Variants in RAB8A observed in about 807,000 individuals in gnomAD.
The protein encoded by RAB8A is ras-related protein Rab-8A.
In RAB8A, 5 loss-of-function variants were observed where a neutral mutation model predicts 29.2. That is an observed-to-expected ratio of 0.17 (90% CI 0.09 to 0.36). The LOEUF (loss-of-function observed/expected upper bound fraction) is 0.36, where lower values mean the gene tolerates loss of function less well. RAB8A is among the 10% of genes least tolerant of loss of function. RAB8A has a pLI of 1.00. For missense variants in RAB8A, 171 were observed against 272.2 expected (o/e 0.63, Z 2.62); for synonymous variants, 108 against 99.9 (o/e 1.08, Z -0.49).
At chr19:16,117,488 C>CA (rs111522838) in intron 1 of RAB8A, among the ~76,000 whole-genome samples, 20,975 of 135,664 alleles carry the variant, frequency 0.15, 1,674 homozygotes, top group Middle Eastern at 0.21. Flanking sequence ...GACTCCATCT[C>CA]AAAAAAAAAA....
intron 2 of RAB8A, among the ~76,000 whole-genome samples, chr19:16,119,536 G>A (rs2090863925): frequency 6.6e-6 from 1 of 152,108 alleles, no homozygotes; most frequent in Non-Finnish European, 1.5e-5. Flanking sequence ...GACTTTGGGA[G>A]TCGGGTAGGT....
chr19:16,125,390 C>T lies in RAB8A; in HGVS notation c.247-80C>T. On this transcript the variant is annotated intron_variant, in intron 3 of 7. Transcript: ENST00000300935. This position sits in a 1 kb window ranked among gnomAD's most constrained non-coding sequence, Gnocchi z 5.0. ...GTGCAGTGGGTGCTGGGCTCCCCAC[C>T]ACTGTTCTCTGGTGCCGCTGAGGCC... The T allele has an allele frequency of 3.1e-6, 4 of 1,281,812 alleles. No homozygotes were observed. Among genetic ancestry groups the T allele is most frequent in the South Asian group, 1.3e-5 (1 of 79,284 alleles). The allele number at this position is 1,281,812 out of a possible 1,614,324, so 79.4% of individuals were successfully genotyped here.
At chr19:16,121,687 GT>G in intron 2 of RAB8A, 62 bp from the exon 3 acceptor site, 2 of 1,480,630 alleles carry the variant, frequency 1.4e-6, no homozygotes, top group Middle Eastern at 1.7e-4. Context: ...GATGCTCCTT[GT>G]CTCCTACTGA....
At position 16,125,593 on chromosome 19, in the gene RAB8A, C is replaced by T. The variant is rs775632792; in HGVS notation, c.324+46C>T. On this transcript the variant is annotated intron_variant, in intron 4 of 7. Transcript: ENST00000300935. This position sits in a 1 kb window ranked among gnomAD's most constrained non-coding sequence, Gnocchi z 5.0. Reference sequence around the variant, plus strand: ...CCACTGTCCCTGCTTCAGTCCTTGTCCCAGAGCCCTCTGGTTTACTCATGA... The same window carrying T: ...CCACTGTCCCTGCTTCAGTCCTTGTTCCAGAGCCCTCTGGTTTACTCATGA... 9 of 1,551,454 alleles carry T rather than the reference C, an allele frequency of 5.8e-6. No homozygotes were observed. The highest frequency in any genetic ancestry group is 1.7e-4 in the Middle Eastern group (1 of 5,986).
chr19:16,127,488 A>G lies in RAB8A; in HGVS notation c.376A>G (p.Asn126Asp). The G allele has an allele frequency of 6.5e-7, 1 of 1,540,264 alleles. No homozygotes were observed. The highest frequency in any genetic ancestry group is 2.4e-5 in the East Asian group (1 of 41,866). The change falls in exon 5 of 8, where the codon AAT becomes GAT. Residue 126 changes from asparagine to aspartate, a missense_variant. Transcript: ENST00000300935. This position sits in a 1 kb window ranked among gnomAD's most constrained non-coding sequence, Gnocchi z 4.8. The part of the protein sequence containing the change: ...KMILGNKCDV[N>D]DKRQVSKERG... ...GATACTCGGGAACAAGTGTGATGTG[A>G]ATGACAAGAGACAAGTTTCCAAGGA... is the stretch of plus-strand genomic sequence containing the variant.
Position 16,111,929 on chromosome 19 carries a change from A to G in RAB8A, c.28A>G (p.Lys10Glu). Residue 10 changes from lysine to glutamate, a missense_variant, in exon 1 of 8, where the codon AAG (lysine) becomes GAG (glutamate). Lys to Glu is a moderately conservative substitution (Grantham distance 56, BLOSUM62 1). Around this residue, in one of 3 missense-constraint regions of RAB8A, gnomAD observed 26 missense variants for 42.9 expected, o/e 0.61. Transcript: ENST00000300935. ...GGCGAAGACCTACGATTACCTGTTC[A>G]AGCTGCTGCTGATCGGGGACTCGGG... MAKTYDYLF[K>E]LLLIGDSGVG... The G allele has an allele frequency of 6.2e-6, 10 of 1,613,936 alleles. No homozygotes were observed. Among genetic ancestry groups the G allele is most frequent in the Non-Finnish European group, 8.5e-6 (10 of 1,179,878 alleles).
At chr19:16,131,555 T>C (rs1211142434) in intron 7 of RAB8A, among the ~76,000 whole-genome samples, 5 of 149,482 alleles carry the variant, frequency 3.3e-5, no homozygotes, top group African/African-American at 9.9e-5. Context: ...AGATGGTTAG[T>C]TGGAAGAGGG....
chr19:16,132,079 T>G lies in RAB8A; in HGVS notation c.532-133T>G, dbSNP rs2090927342. 1 of 685,628 alleles carries G rather than the reference T, an allele frequency of 1.5e-6. No individual in the cohort carries two copies. Among genetic ancestry groups the G allele is most frequent in the East Asian group, 2.8e-5 (1 of 35,726 alleles). 42.5% of individuals were successfully genotyped at this position (685,628 alleles called of 1,614,324 possible). A position where few individuals can be genotyped will look rare whatever the true frequency, so the allele number is the denominator to read the frequency against. ...GGCTGGTTTGATTGGTTTGGTTGTTTGGTTGGTTGGTTGGTTGGTTGGTTG... is the reference window on the plus strand; with the variant it reads ...GGCTGGTTTGATTGGTTTGGTTGTTGGGTTGGTTGGTTGGTTGGTTGGTTG... On this transcript the variant is annotated intron_variant, in intron 7 of 7. Transcript: ENST00000300935. The surrounding 1 kb of genome is among the most constrained non-coding windows in gnomAD (Gnocchi z 5.6).
chr19:16,125,234 C>T lies in RAB8A; in HGVS notation c.247-236C>T. The T allele has an allele frequency of 1.7e-6, 1 of 581,040 alleles. No homozygotes were observed. The highest frequency in any genetic ancestry group is 3.0e-5 in the Admixed American group (1 of 33,320). The allele number at this position is 581,040 out of a possible 1,614,324, so 36.0% of individuals were successfully genotyped here. A position where few individuals can be genotyped will look rare whatever the true frequency, so the allele number is the denominator to read the frequency against. On this transcript the variant is annotated intron_variant, in intron 3 of 7. Transcript: ENST00000300935. The surrounding 1 kb of genome is among the most constrained non-coding windows in gnomAD (Gnocchi z 5.0). ...GGCCTGTGAGGCAGAAGGGTCACCT[C>T]AGCGGCCCGGGGGGCAGGACAAGGC...
intron 1 of RAB8A, 105 bp downstream of exon 1, chr19:16,112,130 TGA>T (rs2090826395): frequency 6.8e-7 from 1 of 1,480,086 alleles, no homozygotes; most frequent in Admixed American, 2.1e-5. Flanking sequence ...CCGAGGGCGC[TGA>T]GAGGGTCGAG....
At chr19:16,114,375 CTCT>C (rs1342720343) in intron 1 of RAB8A, among the ~76,000 whole-genome samples, 23 of 138,752 alleles carry the variant, frequency 1.7e-4, no homozygotes, top group African/African-American at 5.6e-4. Flanking sequence ...ACAAACCCCC[CTCT>C]TTTTTTTTTT....
chr19:16,114,437 C>T (rs995948770), intron 1 of RAB8A, among the ~76,000 whole-genome samples: 2 of 140,152 alleles, frequency 1.4e-5, no homozygotes, highest in Non-Finnish European at 3.0e-5. Flanking sequence ...AGTGCAGTGG[C>T]GCGATCTCGG....
In RAB8A at chr19:16,132,399, G is replaced by A; in HGVS notation, c.*95G>A. ...CAGCCGGGGCCCTCCCACCTCCAAC[G>A]CCCCGCCCACGCCGCGGCCACCGGG... On this transcript the variant is annotated 3_prime_UTR_variant, in exon 8 of 8. Transcript: ENST00000300935. This position sits in a 1 kb window ranked among gnomAD's most constrained non-coding sequence, Gnocchi z 5.6. 5 of 1,276,752 alleles carry A rather than the reference G, an allele frequency of 3.9e-6. No individual in the cohort carries two copies. Among genetic ancestry groups the A allele is most frequent in the East Asian group, 2.6e-5 (1 of 38,908 alleles). 79.1% of individuals were successfully genotyped at this position (1,276,752 alleles called of 1,614,324 possible). A position where few individuals can be genotyped will look rare whatever the true frequency, so the allele number is the denominator to read the frequency against.
At chr19:16,121,397 T>G (rs1024568226) in intron 2 of RAB8A, among the ~76,000 whole-genome samples, 7 of 152,168 alleles carry the variant, frequency 4.6e-5, no homozygotes, top group Non-Finnish European at 7.3e-5. Context: ...TGAAAGCTTT[T>G]CCTGAGTCCC....
At chr19:16,128,465 G>T (rs1204714090) in intron 6 of RAB8A, among the ~76,000 whole-genome samples, 1 of 152,140 alleles carries the variant, frequency 6.6e-6, no homozygotes, top group Non-Finnish European at 1.5e-5. Flanking sequence ...AAAAAGCCCA[G>T]ACATAGCAGG....
intron 6 of RAB8A, 48 bp downstream of exon 6, chr19:16,128,139 C>A (rs573666419): frequency 6.3e-7 from 1 of 1,594,110 alleles, no homozygotes; most frequent in Non-Finnish European, 8.6e-7. Context: ...AGGATCGGCC[C>A]CTTCAGGCTA....
At chr19:16,131,420 G>A (rs1465481150) in intron 7 of RAB8A, among the ~76,000 whole-genome samples, 2 of 152,122 alleles carry the variant, frequency 1.3e-5, no homozygotes, top group African/African-American at 2.4e-5. Flanking sequence ...GGAGATGGTT[G>A]GATAGATAGA....
intron 7 of RAB8A, among the ~76,000 whole-genome samples, chr19:16,131,634 T>C (rs538266604): frequency 2.6e-4 from 39 of 148,644 alleles, no homozygotes; most frequent in African/African-American, 9.7e-4. Context: ...GTTGGTTGGA[T>C]GAGGTGGTTA....
At chr19:16,121,903 T>G in intron 3 of RAB8A, 93 bp downstream of exon 3, 5 of 1,283,538 alleles carry the variant, frequency 3.9e-6, no homozygotes, top group Non-Finnish European at 4.5e-6. Flanking sequence ...GATGTTTCTG[T>G]GGAGCCCGTG....
Sources: allele counts gnomAD v4.1 joint callset (sites outside exome capture counted in the v4.1 genomes callset), GRCh38; gene constraint gnomAD v4.1.1; regional missense constraint gnomAD v4.1.1; non-coding constraint Gnocchi (gnomAD v3.1); transcripts MANE v1.5; gene names NCBI Gene and HGNC (gene_info 2026-07-23, HGNC 2026-07-21).